Variants in PIGG observed in about 807,000 individuals in gnomAD.
PIGG encodes phosphatidylinositol glycan anchor biosynthesis class G (EMM blood group), also known as GPI ethanolamine phosphate transferase 2, catalytic subunit.
Under a neutral mutation model 83.2 loss-of-function variants are expected in PIGG, and 70 were observed. The observed-to-expected ratio is 0.84, with a 90% CI of 0.69 to 1.03. The LOEUF is 1.03. Ranked by LOEUF, PIGG falls within the 50% of genes least tolerant of loss-of-function variation. The probability of loss-of-function intolerance (pLI) is 0.00; values close to 1 mark genes in which losing one functional copy is unlikely to be tolerated. For synonymous variants in PIGG, 532 were observed against 519.5 expected, an observed-to-expected ratio of 1.02 and a Z score of -0.33; for missense variants, 1,257 against 1,233.6, an observed-to-expected ratio of 1.02 and a Z score of -0.28.
intron 11 of PIGG, chr4:533,611 A>C (rs981944894): frequency 1.7e-5 from 10 of 586,928 alleles, no homozygotes; most frequent in Admixed American, 8.8e-5. Flanking sequence ...CACTGCAGGC[A>C]GGGGGAGGGG....
chr4:538,947 G>T (rs1010643766), intron 12 of PIGG, among the ~76,000 whole-genome samples: 3 of 152,286 alleles, frequency 2.0e-5, no homozygotes, highest in Admixed American at 1.3e-4. Context: ...CTCCAAGGGG[G>T]CAGGTTGGGT....
At chr4:511,832 T>C (rs540018585) in intron 5 of PIGG, among the ~76,000 whole-genome samples, 27 of 152,336 alleles carry the variant, frequency 1.8e-4, no homozygotes, top group Middle Eastern at 3.4e-3. Context: ...GGATGTCTAT[T>C]TTGTCTTCTT....
At chr4:512,216 CTTT>C (rs781786642) in intron 5 of PIGG, among the ~76,000 whole-genome samples, 1 of 114,282 alleles carries the variant, frequency 8.8e-6, no homozygotes, top group African/African-American at 3.9e-5. Context: ...AGTTATCATA[CTTT>C]TTTTTTTTTT....
chr4:539,437 A>T lies in PIGG; in HGVS notation c.*68A>T, dbSNP rs1242638948. 1 of 962,362 alleles carries T rather than the reference A, an allele frequency of 1.0e-6. No homozygotes were observed. The highest frequency in any genetic ancestry group is 1.6e-6 in the Non-Finnish European group (1 of 631,480). The allele number at this position is 962,362 out of a possible 1,614,324, so 59.6% of individuals were successfully genotyped here. On this transcript the variant is annotated 3_prime_UTR_variant, in exon 13 of 13. Transcript: ENST00000453061. ...CTGTTATTCTAAAATGAAAGATATG[A>T]ATTCAACAAAGTTGATGGATAACTT... is the stretch of plus-strand genomic sequence containing the variant.
chr4:507,875 A>G (rs1056641276), intron 4 of PIGG, among the ~76,000 whole-genome samples: 18 of 151,838 alleles, frequency 1.2e-4, no homozygotes, highest in African/African-American at 3.9e-4. Flanking sequence ...TCTGTTCTGT[A>G]TCACTCTCTC....
chr4:505,654 C>A, intron 2 of PIGG, 64 bp from the exon 3 acceptor site: 63 of 1,029,546 alleles, frequency 6.1e-5, no homozygotes, highest in Non-Finnish European at 7.5e-5. Context: ...AAAAAATCTT[C>A]AGTGCCCTTT....
chr4:529,435 A>T (rs1339066958), intron 10 of PIGG, among the ~76,000 whole-genome samples: 2 of 152,182 alleles, frequency 1.3e-5, no homozygotes, highest in African/African-American at 2.4e-5. Context: ...AGGCTGTTTG[A>T]ACTAAACTGA....
intron 12 of PIGG, among the ~76,000 whole-genome samples, chr4:537,589 C>G (rs903925132): frequency 6.6e-6 from 1 of 152,146 alleles, no homozygotes. Flanking sequence ...GGGCTGGATA[C>G]CAAGTGGTGA....
At position 521,917 on chromosome 4, in the gene PIGG, C is replaced by T. The variant is rs752835035; in HGVS notation, c.1590C>T (p.Leu530=). ...CVIVSVLTNV[L]VGGNTPRKNP... ...TTGTGTCTGTTCTGACCAACGTGCT[C>T]GTGGGTGGAAACACCCCAAGGAAGG... Residue 530 remains leucine, a synonymous_variant, in exon 8 of 13, where the codon CTC becomes CTT. Transcript: ENST00000453061. The T allele has an allele frequency of 5.0e-6, 8 of 1,614,016 alleles. No homozygotes were observed. The highest frequency in any genetic ancestry group is 2.7e-5 in the African/African-American group (2 of 74,892).
intron 7 of PIGG, 93 bp downstream of exon 7, chr4:521,366 T>A (rs1335295541): frequency 2.5e-6 from 2 of 812,948 alleles, no homozygotes; most frequent in East Asian, 5.4e-5. Flanking sequence ...ATAGGTGTTA[T>A]TAAAAATGGG....
At position 527,670 on chromosome 4, in the gene PIGG, G is replaced by C. The variant is rs963829075; in HGVS notation, c.2261+440G>C. On this transcript the variant is annotated intron_variant, in intron 10 of 12. Transcript: ENST00000453061. ...TCCCAGCAGCTGGGAAATGAAGCTT[G>C]CTGGAAAATCAGACCGTCCTTGTAA... The C allele has an allele frequency of 3.0e-6, 3 of 988,372 alleles. No homozygotes were observed. In the African/African-American group the frequency reaches 5.2e-5, roughly 17 times the overall value. The allele number at this position is 988,372 out of a possible 1,614,324, so 61.2% of individuals were successfully genotyped here.
chr4:534,529 G>C (rs1729909017), intron 12 of PIGG, among the ~76,000 whole-genome samples: 2 of 152,204 alleles, frequency 1.3e-5, no homozygotes, highest in South Asian at 4.1e-4. Flanking sequence ...AACAGGGTGG[G>C]GGGCACAGGG....
intron 9 of PIGG, 181 bp from the exon 10 acceptor site, chr4:526,858 A>T: frequency 4.1e-6 from 3 of 728,472 alleles, no homozygotes. Context: ...GAGGTTGACC[A>T]TCTTTTATTT....
chr4:534,884 C>T (rs193217197), intron 12 of PIGG, among the ~76,000 whole-genome samples: 15 of 150,014 alleles, frequency 1.0e-4, no homozygotes, highest in African/African-American at 2.9e-4. Context: ...AGATCAAGGG[C>T]GCAGCCCCCC....
rs1222148392 is a variant in PIGG at position 523,769 on chromosome 4, C to T, written c.1925C>T (p.Thr642Ile). The T allele has an allele frequency of 2.5e-6, 4 of 1,613,896 alleles. No individual in the cohort carries two copies. Among genetic ancestry groups the T allele is most frequent in the East Asian group, 4.5e-5 (2 of 44,898 alleles). The change falls in exon 9 of 13, where the codon ACC becomes ATC. Residue 642 changes from threonine (T) to isoleucine (I), a missense_variant. Thr to Ile is a moderately conservative substitution (Grantham distance 89, BLOSUM62 -1). Coordinates refer to ENST00000453061, the MANE Select transcript of PIGG (RefSeq NM_001127178.3). The part of the protein sequence containing the change: ...ERDKGHGSPS[T>I]SEVLRGREKW... ...GACAAAGGCCACGGAAGCCCCTCTA[C>T]CTCCGAAGTGCTCAGAGGCCGCGAG...
Position 507,528 on chromosome 4 carries a change from A to G in PIGG, c.694A>G (p.Ile232Val). ...GHISGPNSPL[I>V]GQKLSEMDSV... ...CATTTCAGGGCCCAACAGCCCCCTGATTGGGCAGAAGCTGAGCGAGATGGA... is the reference window on the plus strand; with the variant it reads ...CATTTCAGGGCCCAACAGCCCCCTGGTTGGGCAGAAGCTGAGCGAGATGGA... The change falls in exon 4 of 13, where the codon ATT becomes GTT. Residue 232 changes from isoleucine to valine, a missense_variant. Physicochemically the swap from Ile to Val is conservative, Grantham distance 29. Transcript: ENST00000453061. The G allele has an allele frequency of 6.2e-7, 1 of 1,614,216 alleles. No individual in the cohort carries two copies. The highest frequency in any genetic ancestry group is 8.5e-7 in the Non-Finnish European group (1 of 1,180,014).
At chr4:534,477 G>C (rs1324320939) in intron 12 of PIGG, among the ~76,000 whole-genome samples, 1 of 152,236 alleles carries the variant, frequency 6.6e-6, no homozygotes. Flanking sequence ...TGAGTAGCTA[G>C]GGGCATGTCC....
chr4:536,756 T>C (rs1730734908), intron 12 of PIGG: 2 of 152,280 alleles, frequency 1.3e-5, no homozygotes, highest in Non-Finnish European at 2.9e-5. Flanking sequence ...CGTGAGCGCG[T>C]GGAGGTGCAT....
chr4:539,242 G>A lies in PIGG; in HGVS notation c.2825G>A (p.Arg942His), dbSNP rs755336453. 5.1e-5 allele frequency: 83 copies of A among 1,612,046 alleles called. No individual in the cohort carries two copies. The highest frequency in any genetic ancestry group is 2.1e-4 in the South Asian group (19 of 91,048). ...TACATCGTTTTGGTGACATCTCTGC[G>A]TTATCATTTATTTATATGGAGTGTA... is the stretch of plus-strand genomic sequence containing the variant. ...FTYIVLVTSL[R>H]YHLFIWSVFS... Residue 942 changes from arginine to histidine, a missense_variant, in exon 13 of 13, where the codon CGT becomes CAT. By Grantham distance (29) the Arg-to-His change is conservative (BLOSUM62 0). Transcript: ENST00000453061.
Sources: allele counts gnomAD v4.1 joint callset (sites outside exome capture counted in the v4.1 genomes callset), GRCh38; gene constraint gnomAD v4.1.1; transcripts MANE v1.5; gene names NCBI Gene and HGNC (gene_info 2026-07-23, HGNC 2026-07-21).